Variants in DPP6 observed in about 807,000 individuals in gnomAD.
DPP6 encodes the protein A-type potassium channel modulatory protein DPP6.
DPP6 carries 69 observed loss-of-function variants against 122.6 expected under a neutral mutation model. The ratio of observed to expected loss-of-function variants is 0.56; its 90% CI spans 0.46 to 0.69. The LOEUF is 0.69. DPP6 is among the 30% of genes least tolerant of loss of function. The probability of loss-of-function intolerance (pLI) is 0.00; values close to 1 mark genes in which losing one functional copy is unlikely to be tolerated. For missense variants in DPP6, 928 were observed against 1,116.9 expected (o/e 0.83, Z 2.41); for synonymous variants, 418 against 433.1 (o/e 0.97, Z 0.43).
chr7:154,001,725 T>A (rs886432798), intron 1 of DPP6, among the ~76,000 whole-genome samples: 4 of 151,518 alleles, frequency 2.6e-5, no homozygotes. Context: ...TGGAAATTCC[T>A]ACAGATTGGC....
intron 1 of DPP6, among the ~76,000 whole-genome samples, chr7:153,964,147 C>T (rs114372875): frequency 0.015 from 2,289 of 152,200 alleles, 51 homozygotes; most frequent in African/African-American, 0.052. Flanking sequence ...AGACACCCCC[C>T]ACCACGCCTG....
chr7:154,627,182 T>C (rs1236721683), intron 5 of DPP6, among the ~76,000 whole-genome samples: 1 of 126,794 alleles, frequency 7.9e-6, no homozygotes, highest in Admixed American at 7.8e-5. Context: ...CTGGCTAATT[T>C]TTTTTCCTTT....
At chr7:154,409,098 T>C (rs1274785887) in intron 1 of DPP6, among the ~76,000 whole-genome samples, 1 of 152,148 alleles carries the variant, frequency 6.6e-6, no homozygotes, top group East Asian at 1.9e-4. Flanking sequence ...GAGCTGAGAT[T>C]GCACCACTAC....
chr7:154,684,484 C>T (rs1839479707), intron 7 of DPP6, among the ~76,000 whole-genome samples: 2 of 152,192 alleles, frequency 1.3e-5, no homozygotes, highest in African/African-American at 4.8e-5. Context: ...AGATGAAAAT[C>T]AATTACTTTT....
intron 7 of DPP6, among the ~76,000 whole-genome samples, chr7:154,726,744 C>T (rs1343794738): frequency 6.6e-6 from 1 of 152,202 alleles, no homozygotes; most frequent in Non-Finnish European, 1.5e-5. Flanking sequence ...GAGTTTTTCT[C>T]TTCTACCACA....
intron 1 of DPP6, among the ~76,000 whole-genome samples, chr7:154,253,998 C>G (rs1450341253): frequency 6.6e-6 from 1 of 152,194 alleles, no homozygotes; most frequent in Non-Finnish European, 1.5e-5. Context: ...CATGAAAACT[C>G]ACTATCACAA....
At chr7:154,608,552 G>T (rs1248947995) in intron 5 of DPP6, among the ~76,000 whole-genome samples, 2 of 148,144 alleles carry the variant, frequency 1.4e-5, no homozygotes, top group Non-Finnish European at 3.0e-5. Context: ...GGCCAGGCTG[G>T]TCTTGAACTC....
intron 1 of DPP6, among the ~76,000 whole-genome samples, chr7:154,076,479 A>G (rs1803561755): frequency 6.6e-6 from 1 of 151,006 alleles, no homozygotes; most frequent in South Asian, 2.1e-4. Context: ...TTTAAAAAGC[A>G]GACCAGAAAT....
At chr7:154,844,488 G>C (rs764269906) in intron 16 of DPP6, among the ~76,000 whole-genome samples, 4 of 152,228 alleles carry the variant, frequency 2.6e-5, no homozygotes, top group Non-Finnish European at 5.9e-5. Flanking sequence ...TTAGGATTCT[G>C]CTTCTGTTTC....
At chr7:154,091,946 T>C (rs1254206471) in intron 1 of DPP6, among the ~76,000 whole-genome samples, 1 of 152,132 alleles carries the variant, frequency 6.6e-6, no homozygotes, top group Non-Finnish European at 1.5e-5. Flanking sequence ...ATCACAGTGA[T>C]TGGGATGATG....
At chr7:154,436,752 T>G (rs1818903155) in intron 1 of DPP6, among the ~76,000 whole-genome samples, 1 of 152,188 alleles carries the variant, frequency 6.6e-6, no homozygotes, top group South Asian at 2.1e-4. Context: ...TACCTTGACT[T>G]CCTCTTTCCA....
At chr7:153,920,212 G>GAGC (rs3060879) in intron 1 of DPP6, among the ~76,000 whole-genome samples, 112,922 of 151,804 alleles carry the variant, frequency 0.74, 42,219 homozygotes, top group East Asian at 0.92. Flanking sequence ...TCGAGGGGGT[G>GAGC]ACCTGCAGAC....
At chr7:154,112,393 C>T (rs1806652651) in intron 1 of DPP6, among the ~76,000 whole-genome samples, 1 of 152,042 alleles carries the variant, frequency 6.6e-6, no homozygotes, top group Admixed American at 6.6e-5. Flanking sequence ...ACCTTTAATC[C>T]CAGTATTTTG....
At chr7:153,818,202 A>C in the DPP6 span, among the ~76,000 whole-genome samples, 1 of 152,158 alleles carries the variant, frequency 6.6e-6, no homozygotes, top group Non-Finnish European at 1.5e-5. Flanking sequence ...GTGCATATTA[A>C]AACTGAAGAG....
intron 10 of DPP6, among the ~76,000 whole-genome samples, chr7:154,774,888 G>A (rs759735375): frequency 3.9e-5 from 6 of 152,200 alleles, no homozygotes; most frequent in East Asian, 1.9e-4. Flanking sequence ...CTGTGGAAAC[G>A]TGTGGAAGAG....
rs373782145 is a variant in DPP6 at position 154,892,711 on chromosome 7, G to T, written c.*231G>T. 4.4e-6 allele frequency: 4 copies of T among 915,490 alleles called. No individual in the cohort carries two copies. Among genetic ancestry groups the T allele is most frequent in the Non-Finnish European group, 7.0e-6 (4 of 573,420 alleles). 56.7% of individuals were successfully genotyped at this position (915,490 alleles called of 1,614,324 possible). A position where few individuals can be genotyped will look rare whatever the true frequency, so the allele number is the denominator to read the frequency against. On this transcript the variant is annotated 3_prime_UTR_variant, in exon 26 of 26. Transcript: ENST00000377770. Reference sequence around the variant, plus strand: ...GGGACAACGCTGTCCCCGCAGCAGCGCCTCCTCCCGGCGCCCGAGAGACCG... The same window carrying T: ...GGGACAACGCTGTCCCCGCAGCAGCTCCTCCTCCCGGCGCCCGAGAGACCG...
At chr7:154,055,058 G>A (rs1441538840) in intron 1 of DPP6, among the ~76,000 whole-genome samples, 3 of 149,028 alleles carry the variant, frequency 2.0e-5, no homozygotes, top group Non-Finnish European at 4.4e-5. Context: ...GTTCTAAACA[G>A]CATCTCTAAC....
chr7:154,435,741 CATTG>C (rs1434251164), intron 1 of DPP6, among the ~76,000 whole-genome samples: 1 of 152,136 alleles, frequency 6.6e-6, no homozygotes, highest in Non-Finnish European at 1.5e-5. Flanking sequence ...ATATGTGCAC[CATTG>C]ATTTTGTAAT....
chr7:153,905,550 A>G (rs1229987394), intron 1 of DPP6, among the ~76,000 whole-genome samples: 1 of 152,202 alleles, frequency 6.6e-6, no homozygotes, highest in Non-Finnish European at 1.5e-5. Flanking sequence ...CACATTGTCA[A>G]TCCAAGGCAG....
Sources: allele counts gnomAD v4.1 joint callset (sites outside exome capture counted in the v4.1 genomes callset), GRCh38; gene constraint gnomAD v4.1.1; transcripts MANE v1.5; gene names NCBI Gene and HGNC (gene_info 2026-07-23, HGNC 2026-07-21).